Variants in CDH12 observed in about 807,000 individuals in gnomAD.
CDH12 encodes cadherin-12.
Under a neutral mutation model 74.1 loss-of-function variants are expected in CDH12, and 41 were observed. That is an observed-to-expected ratio of 0.55 (90% CI 0.43 to 0.72). CDH12 has a LOEUF of 0.72. Ranked by LOEUF, CDH12 falls within the 30% of genes least tolerant of loss-of-function variation. The probability of loss-of-function intolerance (pLI) is 0.00; values close to 1 mark genes in which losing one functional copy is unlikely to be tolerated. For missense variants in CDH12, 945 were observed against 977.2 expected (o/e 0.97, Z 0.44); for synonymous variants, 399 against 355.0 (o/e 1.12, Z -1.39).
chr5:22,145,104 C>T (rs1274352617), intron 4 of CDH12, among the ~76,000 whole-genome samples: 1 of 152,002 alleles, frequency 6.6e-6, no homozygotes, highest in Non-Finnish European at 1.5e-5. Flanking sequence ...GTGGGAGATT[C>T]TGGGAACATA....
At chr5:22,331,173 TTTTAC>T (rs2150445581) in intron 3 of CDH12, among the ~76,000 whole-genome samples, 1 of 152,338 alleles carries the variant, frequency 6.6e-6, no homozygotes, top group Non-Finnish European at 1.5e-5. Context: ...GTTGCTTTCT[TTTTAC>T]TTTAATTCCT....
intron 1 of CDH12, among the ~76,000 whole-genome samples, chr5:22,583,296 A>G (rs189312212): frequency 2.0e-5 from 3 of 152,324 alleles, no homozygotes; most frequent in Admixed American, 2.0e-4. Context: ...AACTAGGAAA[A>G]TAACAAACAC....
intron 10 of CDH12, among the ~76,000 whole-genome samples, chr5:21,796,740 C>T (rs1427009820): frequency 6.6e-6 from 1 of 151,932 alleles, no homozygotes; most frequent in African/African-American, 2.4e-5. Context: ...AAAAGTGGTA[C>T]ATATTGAGCA....
At position 22,641,235 on chromosome 5, in the gene CDH12, C is replaced by T. The variant is rs111940562; in HGVS notation, c.-522-135871G>A. Among the ~76,000 whole-genome samples the T allele has an allele frequency of 5.6e-3, 855 of 152,270 alleles. 8 individuals are homozygous for T. Among genetic ancestry groups the T allele is most frequent in the African/African-American group, 0.02 (822 of 41,546 alleles). On this transcript the variant is annotated intron_variant, in intron 1 of 14. Transcript: ENST00000382254. ...TCCAAAGGTCTCAGAACCGGGGAAG[C>T]TGATGGTGTGCCTTTCAGTCCAAGG...
chr5:22,733,115 C>T (rs1744515862), intron 1 of CDH12, among the ~76,000 whole-genome samples: 2 of 151,768 alleles, frequency 1.3e-5, no homozygotes, highest in South Asian at 4.1e-4. Flanking sequence ...ATAATGAACA[C>T]AATAATAAAT....
rs2963567 is a variant in CDH12, at chr5:22,013,951, G to A, written c.232-38566C>T. On this transcript the variant is annotated intron_variant, in intron 5 of 14. Transcript: ENST00000382254. Reference sequence around the variant, plus strand: ...ATAAAAATGAACAAATAGAGGCTGGGTGCAGTGGCTCACACCTGTAGTCCC... The same window carrying A: ...ATAAAAATGAACAAATAGAGGCTGGATGCAGTGGCTCACACCTGTAGTCCC... Among the ~76,000 whole-genome samples, 394 of 152,258 alleles carry A rather than the reference G, an allele frequency of 2.6e-3. 1 individual carries two copies. Among genetic ancestry groups the A allele is most frequent in the Non-Finnish European group, 4.4e-3 (298 of 68,000 alleles).
intron 1 of CDH12, among the ~76,000 whole-genome samples, chr5:22,514,178 G>GT (rs1357869391): frequency 1.3e-5 from 2 of 151,908 alleles, no homozygotes; most frequent in Non-Finnish European, 2.9e-5. Context: ...ATAAAAATAT[G>GT]TCTGCCTGAA....
At chr5:22,715,124 A>C (rs536747550) in intron 1 of CDH12, among the ~76,000 whole-genome samples, 1 of 152,310 alleles carries the variant, frequency 6.6e-6, no homozygotes, top group South Asian at 2.1e-4. Context: ...AATCAGTAGC[A>C]CAGGCACTCA....
At chr5:22,474,475 TAGAC>T (rs1323781231) in intron 2 of CDH12, among the ~76,000 whole-genome samples, 2 of 152,094 alleles carry the variant, frequency 1.3e-5, no homozygotes, top group Non-Finnish European at 2.9e-5. Flanking sequence ...AGTGGTCAAA[TAGAC>T]AGCAATAGAA....
intron 4 of CDH12, among the ~76,000 whole-genome samples, chr5:22,114,097 G>C (rs566096720): frequency 3.9e-5 from 6 of 152,238 alleles, no homozygotes; most frequent in Admixed American, 6.5e-5. Flanking sequence ...TAGAAATACT[G>C]CATCCCCACA....
rs776302918 is a variant in CDH12, at chr5:22,576,086, C to T, written c.-522-70722G>A. On this transcript the variant is annotated intron_variant, in intron 1 of 14. Coordinates refer to ENST00000382254, the MANE Select transcript of CDH12 (RefSeq NM_004061.5). ...TCCCAGAGGCCCCCAAGGGCCCCAT[C>T]TCACTTTGTGTTCCCCAGGAATCTT... Among the ~76,000 whole-genome samples, 13 of 152,284 alleles carry T rather than the reference C, an allele frequency of 8.5e-5. No homozygotes were observed. The South Asian group carries it at 1.0e-3, about 12-fold the overall frequency.
chr5:22,012,784 C>A (rs533760027), intron 5 of CDH12, among the ~76,000 whole-genome samples: 3,769 of 142,858 alleles, frequency 0.026, 63 homozygotes, highest in Non-Finnish European at 0.04. Flanking sequence ...AACTGGGTTT[C>A]CTCTTAGATG....
chr5:22,012,152 T>C lies in CDH12; in HGVS notation c.232-36767A>G, dbSNP rs1313512131. Among the ~76,000 whole-genome samples, 4 of 152,046 alleles carry C rather than the reference T, an allele frequency of 2.6e-5. No individual in the cohort carries two copies. The East Asian group carries it at 5.8e-4, about 22-fold the overall frequency. On this transcript the variant is annotated intron_variant, in intron 5 of 14. Transcript: ENST00000382254. ...TAAACAACTAGAGATATAGAATATA[T>C]ATGCTATTGGAATTTCTGATTAGCA...
rs149183178 is a variant in CDH12, at chr5:22,684,626, A to T, written c.-523+168432T>A. 3.2e-3 allele frequency among the ~76,000 whole-genome samples: 490 copies of T among 152,360 alleles called. 5 individuals are homozygous for T. The highest frequency in any genetic ancestry group is 0.011 in the African/African-American group (458 of 41,592). On this transcript the variant is annotated intron_variant, in intron 1 of 14. Coordinates refer to ENST00000382254, the MANE Select transcript of CDH12 (RefSeq NM_004061.5). ...CAAACGCGTAGGAGAATCTAGACTC[A>T]GAGAAATCTCTCAAAGAAATGTCAA...
chr5:22,396,392 G>T (rs1742461658), intron 3 of CDH12, among the ~76,000 whole-genome samples: 1 of 152,070 alleles, frequency 6.6e-6, no homozygotes, highest in South Asian at 2.1e-4. Context: ...CTATGACACT[G>T]GGTTTTTGAG....
chr5:22,419,498 GC>G (rs1386961555), intron 2 of CDH12, among the ~76,000 whole-genome samples: 4 of 152,124 alleles, frequency 2.6e-5, no homozygotes, highest in Admixed American at 2.0e-4. Context: ...TCCTATGGCT[GC>G]ATAGTATTCC....
At chr5:22,717,216 T>G (rs1032360948) in intron 1 of CDH12, among the ~76,000 whole-genome samples, 1 of 152,180 alleles carries the variant, frequency 6.6e-6, no homozygotes, top group Non-Finnish European at 1.5e-5. Flanking sequence ...CAAGCTCCAT[T>G]CATGGTATAT....
At chr5:22,725,540 A>G (rs1206594159) in intron 1 of CDH12, among the ~76,000 whole-genome samples, 1 of 151,730 alleles carries the variant, frequency 6.6e-6, no homozygotes, top group Non-Finnish European at 1.5e-5. Context: ...TAAGTATCTT[A>G]TAAGCAACAG....
intron 2 of CDH12, among the ~76,000 whole-genome samples, chr5:22,427,068 C>A (rs954347670): frequency 1.6e-4 from 25 of 152,078 alleles, no homozygotes; most frequent in African/African-American, 6.0e-4. Flanking sequence ...AACTTTTTGC[C>A]TCCTCTTCTT....
Sources: allele counts gnomAD v4.1 joint callset (sites outside exome capture counted in the v4.1 genomes callset), GRCh38; gene constraint gnomAD v4.1.1; transcripts MANE v1.5; gene names NCBI Gene and HGNC (gene_info 2026-07-23, HGNC 2026-07-21).